CCSER2: variants seen among roughly 807,000 people sequenced by gnomAD.
CCSER2 encodes the protein coiled-coil serine rich protein 2, also known as serine-rich coiled-coil domain-containing protein 2.
In CCSER2, 46 loss-of-function variants were observed where a neutral mutation model predicts 92.3. The observed-to-expected ratio is 0.50, with a 90% confidence interval of 0.39 to 0.64. The LOEUF (loss-of-function observed/expected upper bound fraction) is 0.64, where lower values mean the gene tolerates loss of function less well. Among genes scored for constraint, CCSER2 ranks in the 30% least tolerant of loss-of-function variants. CCSER2 has a pLI of 0.00. For missense variants in CCSER2, 1,244 were observed against 1,238.9 expected (o/e 1.00, Z -0.06); for synonymous variants, 433 against 431.4 (o/e 1.00, Z -0.04).
intron 1 of CCSER2, among the ~76,000 whole-genome samples, chr10:84,360,039 C>G (rs1051205418): frequency 1.3e-5 from 2 of 152,112 alleles, no homozygotes; most frequent in Admixed American, 6.5e-5. Context: ...GTCTGGAACT[C>G]CTGACCTCAG....
chr10:84,457,330 ATATAT>A (rs1413516900), intron 6 of CCSER2, among the ~76,000 whole-genome samples: 145 of 46,862 alleles, frequency 3.1e-3, no homozygotes, highest in South Asian at 6.4e-3. Context: ...ATTATATATA[ATATAT>A]TATATATTAT....
chr10:84,433,019 G>T (rs997301045), intron 5 of CCSER2, among the ~76,000 whole-genome samples: 7 of 152,156 alleles, frequency 4.6e-5, no homozygotes, highest in African/African-American at 1.7e-4. Context: ...TCAATTGACT[G>T]TGTATATGTG....
chr10:84,341,037 CT>C (rs749153928), intron 1 of CCSER2, among the ~76,000 whole-genome samples: 221 of 115,140 alleles, frequency 1.9e-3, no homozygotes, highest in Middle Eastern at 4.7e-3. Context: ...CAATGTAACA[CT>C]TTTTTTTTTT....
At chr10:84,436,583 C>T (rs1158872461) in intron 5 of CCSER2, among the ~76,000 whole-genome samples, 1 of 143,552 alleles carries the variant, frequency 7.0e-6, no homozygotes, top group Non-Finnish European at 1.5e-5. Flanking sequence ...TGCAGTGAGC[C>T]GAGATCGCGC....
chr10:84,391,214 A>G (rs1375009662), intron 3 of CCSER2: 1 of 1,068,956 alleles, frequency 9.4e-7, no homozygotes, highest in South Asian at 1.3e-5. Flanking sequence ...GAACCTGTGT[A>G]AGAGACAATG....
At chr10:84,418,829 C>T (rs1459911814) in intron 4 of CCSER2, among the ~76,000 whole-genome samples, 3 of 152,110 alleles carry the variant, frequency 2.0e-5, no homozygotes, top group Non-Finnish European at 4.4e-5. Context: ...GTATTTTTCT[C>T]ATTCATGGAT....
At chr10:84,339,951 C>T (rs1386589834) in intron 1 of CCSER2, among the ~76,000 whole-genome samples, 1 of 152,176 alleles carries the variant, frequency 6.6e-6, no homozygotes, top group African/African-American at 2.4e-5. Context: ...AAGCAATTCT[C>T]CTGACTCAGC....
chr10:84,419,831 A>G (rs1843051218), intron 4 of CCSER2, among the ~76,000 whole-genome samples: 2 of 152,252 alleles, frequency 1.3e-5, no homozygotes, highest in Non-Finnish European at 2.9e-5. Context: ...AGACTTCCCA[A>G]CAGAACAGTT....
chr10:84,419,114 A>AG (rs1333264184), intron 4 of CCSER2, among the ~76,000 whole-genome samples: 1 of 152,124 alleles, frequency 6.6e-6, no homozygotes, highest in Admixed American at 6.5e-5. Context: ...TTTTTTGAAG[A>AG]GGGGAATCTA....
chr10:84,465,305 C>A (rs1463498370), intron 7 of CCSER2, among the ~76,000 whole-genome samples: 7 of 99,174 alleles, frequency 7.1e-5, no homozygotes, highest in East Asian at 3.1e-4. Flanking sequence ...AAGTTTTTTA[C>A]ATGTAAAGAT....
chr10:84,359,337 A>G (rs1478740701), intron 1 of CCSER2, among the ~76,000 whole-genome samples: 1 of 152,070 alleles, frequency 6.6e-6, no homozygotes, highest in Admixed American at 6.6e-5. Flanking sequence ...AAAAATGTTT[A>G]GTTGATTTAT....
At chr10:84,400,446 C>A (rs972205141) in intron 3 of CCSER2, among the ~76,000 whole-genome samples, 3 of 152,160 alleles carry the variant, frequency 2.0e-5, no homozygotes, top group African/African-American at 7.2e-5. Context: ...GCTAGAAATA[C>A]AGATGTGAGC....
intron 8 of CCSER2, among the ~76,000 whole-genome samples, chr10:84,474,239 C>T (rs925465541): frequency 2.0e-5 from 3 of 152,138 alleles, no homozygotes; most frequent in Non-Finnish European, 2.9e-5. Flanking sequence ...GTTAAGTGGG[C>T]TAGCAGTATA....
chr10:84,466,512 T>G (rs1026565783), intron 7 of CCSER2, among the ~76,000 whole-genome samples: 1 of 151,394 alleles, frequency 6.6e-6, no homozygotes, highest in East Asian at 1.9e-4. Context: ...TTTTTGGTTT[T>G]TTTTTTTTTT....
chr10:84,347,404 G>T (rs1481223043), intron 1 of CCSER2, among the ~76,000 whole-genome samples: 1 of 150,890 alleles, frequency 6.6e-6, no homozygotes, highest in Non-Finnish European at 1.5e-5. Flanking sequence ...GCCGGGGAGG[G>T]GGGGTGCTGA....
rs1843395171 is a variant in CCSER2 at position 84,425,727 on chromosome 10, C to T, written c.1706-4C>T. ...TATAGTCTTTTGCTTTTGAATCTGT[C>T]TAGTGGAGTGTGACAATATGAACCG... On this transcript the variant is annotated splice_region_variant and splice_polypyrimidine_tract_variant and intron_variant, in intron 4 of 9. Transcript: ENST00000372088. 1 of 1,605,854 alleles carries T rather than the reference C, an allele frequency of 6.2e-7. No individual in the cohort carries two copies. The highest frequency in any genetic ancestry group is 1.1e-5 in the South Asian group (1 of 89,858).
chr10:84,349,387 T>C (rs1844735376), intron 1 of CCSER2, among the ~76,000 whole-genome samples: 1 of 152,194 alleles, frequency 6.6e-6, no homozygotes, highest in Non-Finnish European at 1.5e-5. Context: ...GAAACCCATC[T>C]ATTGGCTGGG....
At chr10:84,395,288 T>C (rs979995397) in intron 3 of CCSER2, among the ~76,000 whole-genome samples, 2 of 150,712 alleles carry the variant, frequency 1.3e-5, no homozygotes, top group African/African-American at 4.9e-5. Flanking sequence ...GTACCTGGCA[T>C]AGAGTAGATG....
intron 3 of CCSER2, among the ~76,000 whole-genome samples, chr10:84,385,033 A>ACACACC (rs1491585087): frequency 2.0e-4 from 31 of 151,668 alleles, no homozygotes; most frequent in Non-Finnish European, 3.5e-4. Flanking sequence ...ACACACACAC[A>ACACACC]CCCAGGAATA....
Sources: allele counts gnomAD v4.1 joint callset (sites outside exome capture counted in the v4.1 genomes callset), GRCh38; gene constraint gnomAD v4.1.1; transcripts MANE v1.5; gene names NCBI Gene and HGNC (gene_info 2026-07-23, HGNC 2026-07-21).